GARNL3: variants seen among roughly 807,000 people sequenced by gnomAD.
The protein encoded by GARNL3 is GTPase-activating Rap/Ran-GAP domain-like protein 3.
GARNL3 carries 63 observed loss-of-function variants against 125.0 expected under a neutral mutation model. The ratio of observed to expected loss-of-function variants is 0.50; its 90% CI spans 0.41 to 0.62. The LOEUF is 0.62. Ranked by LOEUF, GARNL3 falls within the 20% of genes least tolerant of loss-of-function variation. The pLI is 0.00. For missense variants in GARNL3, 994 were observed against 1,244.0 expected (o/e 0.80, Z 3.02); for synonymous variants, 439 against 457.5 (o/e 0.96, Z 0.52).
chr9:127,391,142 G>A (rs545938512), intron 27 of GARNL3, among the ~76,000 whole-genome samples: 58 of 151,924 alleles, frequency 3.8e-4, no homozygotes, highest in African/African-American at 1.1e-3. Context: ...AAAAGTAGCC[G>A]GGCGTGGTGG....
intron 2 of GARNL3, among the ~76,000 whole-genome samples, chr9:127,251,639 G>C (rs987133052): frequency 6.6e-6 from 1 of 152,032 alleles, no homozygotes; most frequent in African/African-American, 2.4e-5. Flanking sequence ...GCAGCTCTGT[G>C]CCTCCCGATC....
chr9:127,274,666 T>G (rs2063908024), intron 1 of GARNL3, among the ~76,000 whole-genome samples: 1 of 152,212 alleles, frequency 6.6e-6, no homozygotes, highest in Non-Finnish European at 1.5e-5. Flanking sequence ...CCTGGGAGTC[T>G]CTGTTGTTTG....
At chr9:127,285,591 G>A (rs1043876439) in intron 1 of GARNL3, among the ~76,000 whole-genome samples, 2 of 152,080 alleles carry the variant, frequency 1.3e-5, no homozygotes, top group Non-Finnish European at 2.9e-5. Context: ...TGACCTATCA[G>A]AGAGAAATGT....
At chr9:127,378,808 C>T (rs1832085219) in intron 22 of GARNL3, among the ~76,000 whole-genome samples, 1 of 152,104 alleles carries the variant, frequency 6.6e-6, no homozygotes, top group Non-Finnish European at 1.5e-5. Flanking sequence ...TGGAGTCTCA[C>T]TTTATAGCCC....
chr9:127,297,144 T>C (rs2131394813), intron 2 of GARNL3, among the ~76,000 whole-genome samples: 1 of 152,318 alleles, frequency 6.6e-6, no homozygotes, highest in East Asian at 1.9e-4. Flanking sequence ...TCTTTTTCTT[T>C]TCTTTTTTGA....
At chr9:127,365,484 T>C (rs1229021197) in intron 22 of GARNL3, 118 bp downstream of exon 22, 1 of 846,554 alleles carries the variant, frequency 1.2e-6, no homozygotes, top group Non-Finnish European at 2.0e-6. Flanking sequence ...GGGTTTGTAA[T>C]TGCCTTCCAG....
intron 9 of GARNL3, among the ~76,000 whole-genome samples, chr9:127,333,478 G>A (rs1430279678): frequency 2.0e-5 from 3 of 152,176 alleles, no homozygotes; most frequent in Non-Finnish European, 4.4e-5. Context: ...TCCAGCAGAT[G>A]TTATGCAGAT....
rs368967720 is a variant in GARNL3, at chr9:127,354,440, G to A, written c.1759+30G>A. Reference sequence around the variant, plus strand: ...CTTGATAGATTGGTAGATTCCATTCGATTCGTTTTTTTTTTTCCTCAGGCT... The same window carrying A: ...CTTGATAGATTGGTAGATTCCATTCAATTCGTTTTTTTTTTTCCTCAGGCT... On this transcript the variant is annotated intron_variant, in intron 19 of 27. Coordinates refer to ENST00000373387, the MANE Select transcript of GARNL3 (RefSeq NM_032293.5). 5.9e-5 allele frequency: 79 copies of A among 1,337,066 alleles called. No individual in the cohort carries two copies. In the African/African-American group the frequency reaches 7.7e-4, roughly 13 times the overall value. The allele number at this position is 1,337,066 out of a possible 1,614,324, so 82.8% of individuals were successfully genotyped here. A position where few individuals can be genotyped will look rare whatever the true frequency, so the allele number is the denominator to read the frequency against.
intron 6 of GARNL3, among the ~76,000 whole-genome samples, chr9:127,323,347 C>A (rs1232247699): frequency 6.6e-6 from 1 of 152,178 alleles, no homozygotes; most frequent in Non-Finnish European, 1.5e-5. Context: ...CGCTTCTGAA[C>A]AAATGTAATC....
intron 1 of GARNL3, among the ~76,000 whole-genome samples, chr9:127,233,844 C>T (rs903437895): frequency 9.2e-5 from 14 of 152,130 alleles, no homozygotes; most frequent in African/African-American, 2.7e-4. Flanking sequence ...CATTATGCGT[C>T]GGGGTGCCTC....
intron 9 of GARNL3, 27 bp from the exon 10 acceptor site, chr9:127,335,203 C>T (rs1447620218): frequency 2.0e-6 from 3 of 1,464,760 alleles, no homozygotes; most frequent in Admixed American, 1.7e-5. Flanking sequence ...TCTCTGTGCT[C>T]ACTGAATGCA....
At chr9:127,316,722 A>G (rs1588841002) in intron 4 of GARNL3, among the ~76,000 whole-genome samples, 1 of 152,196 alleles carries the variant, frequency 6.6e-6, no homozygotes. Flanking sequence ...TCTCATCCTC[A>G]GCTCCAAAGA....
At chr9:127,247,075 T>A (rs2063318439) in intron 2 of GARNL3, among the ~76,000 whole-genome samples, 2 of 151,974 alleles carry the variant, frequency 1.3e-5, no homozygotes, top group East Asian at 3.9e-4. Context: ...GCTGTCTTAG[T>A]TTGCCTCTTG....
intron 1 of GARNL3, among the ~76,000 whole-genome samples, chr9:127,287,916 TATAGGTCTTACCCCTG>T (rs1364725058): frequency 2.0e-5 from 3 of 152,252 alleles, no homozygotes; most frequent in South Asian, 2.1e-4. Flanking sequence ...CCAGGGCCAG[TATAGGTCTTACCCCTG>T]TTTTTATATC....
chr9:127,331,720 C>CTTGCTTTTTTTTTTTTT (rs367597623), intron 7 of GARNL3, among the ~76,000 whole-genome samples: 1 of 74,416 alleles, frequency 1.3e-5, no homozygotes, highest in African/African-American at 4.8e-5. Context: ...CTTGGGCTTG[C>CTTGCTTTTTTTTTTTTT]TTTTTTTTTT....
intron 16 of GARNL3, among the ~76,000 whole-genome samples, chr9:127,347,939 A>G (rs1302811033): frequency 6.6e-6 from 1 of 152,136 alleles, no homozygotes; most frequent in African/African-American, 2.4e-5. Context: ...AACACACAGC[A>G]TTTACCCTCA....
intron 11 of GARNL3, among the ~76,000 whole-genome samples, chr9:127,337,120 G>T (rs960166462): frequency 1.8e-4 from 27 of 152,242 alleles, no homozygotes; most frequent in African/African-American, 6.3e-4. Context: ...TTCCATGAGG[G>T]TAGGGAAGCA....
intron 11 of GARNL3, among the ~76,000 whole-genome samples, chr9:127,336,951 T>A (rs1829586485): frequency 6.6e-6 from 1 of 152,212 alleles, no homozygotes; most frequent in Non-Finnish European, 1.5e-5. Context: ...TCAGAATAAA[T>A]TCTAGTCGAG....
chr9:127,269,925 G>T (rs1441318391), intron 1 of GARNL3, among the ~76,000 whole-genome samples: 1 of 151,786 alleles, frequency 6.6e-6, no homozygotes, highest in South Asian at 2.1e-4. Flanking sequence ...ATGCACAGAA[G>T]TTTTTAATTT....
Sources: allele counts gnomAD v4.1 joint callset (sites outside exome capture counted in the v4.1 genomes callset), GRCh38; gene constraint gnomAD v4.1.1; transcripts MANE v1.5; gene names NCBI Gene and HGNC (gene_info 2026-07-23, HGNC 2026-07-21).